MX1: variants seen among roughly 807,000 people sequenced by gnomAD.
The protein encoded by MX1 is MX dynamin like GTPase 1, also known as interferon-induced GTP-binding protein Mx1.
MX1 carries 66 observed loss-of-function variants against 66.4 expected under a neutral mutation model. The ratio of observed to expected loss-of-function variants is 0.99; its 90% CI spans 0.82 to 1.22. MX1 has a LOEUF of 1.22. Among genes scored for constraint, MX1 ranks in the 50% most tolerant of loss-of-function variants. The probability of loss-of-function intolerance (pLI) is 0.00; values close to 1 mark genes in which losing one functional copy is unlikely to be tolerated. For missense variants in MX1, 787 were observed against 834.3 expected, an observed-to-expected ratio of 0.94 and a Z score of 0.70; for synonymous variants, 311 against 318.1, an observed-to-expected ratio of 0.98 and a Z score of 0.24.
At chr21:41,444,605 C>T (rs1252787176) in intron 11 of MX1, among the ~76,000 whole-genome samples, 1 of 152,046 alleles carries the variant, frequency 6.6e-6, no homozygotes, top group Non-Finnish European at 1.5e-5. Flanking sequence ...CCCAGGAATG[C>T]GGGTGCATAA....
Position 41,445,566 on chromosome 21 carries a change from T to TA in MX1, c.1128dup (p.Asp377ArgfsTer2). 1 of 1,614,082 alleles carries TA rather than the reference T, an allele frequency of 6.2e-7. No homozygotes were observed. On this transcript the variant is annotated frameshift_variant, in exon 12 of 17. Coordinates refer to ENST00000398598, the MANE Select transcript of MX1 (RefSeq NM_002462.5). LOFTEE classifies it high-confidence loss of function. ...GAAAATGAAAAAATGTTCTTCCTGA[T>TA]AGATGTGAGTGTTGCCAGCTGCATG... is the stretch of plus-strand genomic sequence containing the variant.
At chr21:41,426,510 A>C (rs2090063632) in intron 1 of MX1, 1 of 152,222 alleles carries the variant, frequency 6.6e-6, no homozygotes. Context: ...GACGCATCAG[A>C]AACATCCCCC....
At chr21:41,432,503 G>T (rs536411109) in intron 5 of MX1, among the ~76,000 whole-genome samples, 27 of 152,340 alleles carry the variant, frequency 1.8e-4, no homozygotes, top group African/African-American at 6.5e-4. Flanking sequence ...TCATGATTCA[G>T]TCTCAAGCTA....
intron 5 of MX1, among the ~76,000 whole-genome samples, chr21:41,433,513 C>G (rs1330097845): frequency 6.6e-6 from 1 of 152,158 alleles, no homozygotes; most frequent in Non-Finnish European, 1.5e-5. Context: ...ATCAAAATGG[C>G]TGCATCAAAT....
At chr21:41,442,389 C>G (rs1016058142) in intron 10 of MX1, among the ~76,000 whole-genome samples, 1 of 151,966 alleles carries the variant, frequency 6.6e-6, no homozygotes, top group Non-Finnish European at 1.5e-5. Flanking sequence ...AAAATACTGC[C>G]CTTACTTATC....
At chr21:41,427,396 G>A (rs1035163012) in intron 2 of MX1, 92 bp downstream of exon 2, 1 of 152,228 alleles carries the variant, frequency 6.6e-6, no homozygotes, top group Non-Finnish European at 1.5e-5. Context: ...GGGGAAAAAC[G>A]CTTTCAGAAG....
intron 13 of MX1, among the ~76,000 whole-genome samples, chr21:41,447,033 T>A (rs1006487843): frequency 1.3e-5 from 2 of 152,220 alleles, no homozygotes; most frequent in Non-Finnish European, 2.9e-5. Flanking sequence ...TGTGTCTGTG[T>A]GTAGCGGTTG....
chr21:41,446,225 T>A, intron 13 of MX1, 84 bp downstream of exon 13: 1 of 1,256,916 alleles, frequency 8.0e-7, no homozygotes. Context: ...AACTTATTGC[T>A]CATTGTTCTG....
chr21:41,458,100 G>A (rs1485854860), intron 16 of MX1, among the ~76,000 whole-genome samples: 1 of 152,142 alleles, frequency 6.6e-6, no homozygotes, highest in Non-Finnish European at 1.5e-5. Context: ...CCCTGCCTGG[G>A]TTCAAACAAT....
chr21:41,446,092 A>G lies in MX1; in HGVS notation c.1224A>G (p.Arg408=), dbSNP rs746070172. The part of the protein sequence containing the change: ...EEDIRLFTRL[R]HEFHKWSTII... The stretch of plus-strand genomic sequence containing the variant: ...ACATTCGGCTGTTTACCAGACTCCG[A>G]CACGAGTTCCACAAATGGAGTACAA... Residue 408 remains arginine (R), a synonymous_variant, in exon 13 of 17, where the codon CGA becomes CGG. Transcript: ENST00000398598. 1 of 1,614,098 alleles carries G rather than the reference A, an allele frequency of 6.2e-7. No individual in the cohort carries two copies. Among genetic ancestry groups the G allele is most frequent in the East Asian group, 2.2e-5 (1 of 44,900 alleles).
chr21:41,447,876 G>A (rs539505241), intron 13 of MX1, among the ~76,000 whole-genome samples: 3 of 152,106 alleles, frequency 2.0e-5, no homozygotes, highest in African/African-American at 7.2e-5. Flanking sequence ...CTAGTAGCTG[G>A]GATTATAGGC....
chr21:41,432,008 C>A, intron 4 of MX1, 42 bp from the exon 5 acceptor site: 1 of 1,544,166 alleles, frequency 6.5e-7, no homozygotes, highest in East Asian at 2.3e-5. Context: ...TTGAATGCAC[C>A]CAGCTGCTTA....
At chr21:41,435,703 TG>T in intron 5 of MX1, 133 bp from the exon 6 acceptor site, 1 of 982,206 alleles carries the variant, frequency 1.0e-6, no homozygotes, top group Non-Finnish European at 1.5e-6. Flanking sequence ...TACCTCCACC[TG>T]GTCTCTCCCT....
intron 4 of MX1, among the ~76,000 whole-genome samples, chr21:41,431,047 G>A (rs2090197025): frequency 6.6e-6 from 1 of 152,126 alleles, no homozygotes; most frequent in Non-Finnish European, 1.5e-5. Flanking sequence ...TTTTAAGACG[G>A]GGTCTCGCTC....
intron 15 of MX1, 105 bp from the exon 16 acceptor site, chr21:41,452,516 C>T: frequency 2.3e-6 from 3 of 1,279,162 alleles, no homozygotes; most frequent in Non-Finnish European, 3.2e-6. Flanking sequence ...CGTGCTGTTT[C>T]ACTCACGTTG....
chr21:41,445,700 AG>A lies in MX1; in HGVS notation c.1131+133del. On this transcript the variant is annotated intron_variant, in intron 12 of 16. Coordinates refer to ENST00000398598, the MANE Select transcript of MX1 (RefSeq NM_002462.5). ...AAGACATCTGGCCCGTAGCACTCAA[AG>A]GGTGGACAGGGCTGAGGGAGGCAGG... 4.6e-6 allele frequency: 6 copies of A among 1,293,734 alleles called. No individual in the cohort carries two copies. In the Middle Eastern group the frequency reaches 7.7e-4, roughly 165 times the overall value. 80.1% of individuals were successfully genotyped at this position (1,293,734 alleles called of 1,614,324 possible).
At chr21:41,435,199 A>G (rs2090325942) in intron 5 of MX1, among the ~76,000 whole-genome samples, 1 of 151,902 alleles carries the variant, frequency 6.6e-6, no homozygotes, top group African/African-American at 2.4e-5. Flanking sequence ...TTTTCTCTTT[A>G]TTACTGGTTT....
intron 4 of MX1, among the ~76,000 whole-genome samples, chr21:41,431,293 G>A (rs1029977257): frequency 4.6e-5 from 7 of 152,308 alleles, no homozygotes; most frequent in Non-Finnish European, 8.8e-5. Context: ...AAAGTGCTGG[G>A]TGGGATACAG....
chr21:41,442,063 G>T lies in MX1; in HGVS notation c.929+149G>T. On this transcript the variant is annotated intron_variant, in intron 10 of 16. Transcript: ENST00000398598. ...TGCGCGTGTGTGTGTGACTATGCTTGTTCCCCAACAAGGACTATGGAATTC... is the reference window on the plus strand; with the variant it reads ...TGCGCGTGTGTGTGTGACTATGCTTTTTCCCCAACAAGGACTATGGAATTC... 3 of 720,090 alleles carry T rather than the reference G, an allele frequency of 4.2e-6. No homozygotes were observed. In the South Asian group the frequency reaches 5.2e-5, roughly 12 times the overall value. 44.6% of individuals were successfully genotyped at this position (720,090 alleles called of 1,614,324 possible).
Sources: gnomAD v4.1 joint callset for allele counts (sites outside exome capture counted in the v4.1 genomes callset) on GRCh38, gnomAD v4.1.1 for gene constraint, MANE v1.5 for transcripts, NCBI Gene and HGNC (gene_info 2026-07-23, HGNC 2026-07-21) for gene names.